Variants in IL1RAPL2 observed in about 807,000 individuals in gnomAD.
The protein encoded by IL1RAPL2 is X-linked interleukin-1 receptor accessory protein-like 2.
Under a neutral mutation model 44.1 loss-of-function variants are expected in IL1RAPL2, and 3 were observed. That is an observed-to-expected ratio of 0.07 (90% CI 0.03 to 0.18). IL1RAPL2 has a LOEUF of 0.18. IL1RAPL2 is among the 10% of genes least tolerant of loss of function. IL1RAPL2 has a pLI of 1.00. For synonymous variants in IL1RAPL2, 181 were observed against 178.8 expected (o/e 1.01, Z -0.10); for missense variants, 391 against 496.4 (o/e 0.79, Z 2.02).
intron 5 of IL1RAPL2, among the ~76,000 whole-genome samples, chrX:105,409,636 G>C (rs151210110): frequency 8.4e-4 from 93 of 111,123 alleles, no homozygotes; most frequent in African/African-American, 3.0e-3. Context: ...ACCACATGAA[G>C]ATGAGTGGGG....
chrX:105,405,214 AT>A (rs1383504882), intron 5 of IL1RAPL2, among the ~76,000 whole-genome samples: 2 of 111,579 alleles, frequency 1.8e-5, no homozygotes, highest in African/African-American at 6.5e-5. Context: ...ATTTATATGC[AT>A]TTTCATATGT....
At chrX:105,034,858 G>C (rs924683878) in intron 2 of IL1RAPL2, among the ~76,000 whole-genome samples, 6 of 112,357 alleles carry the variant, frequency 5.3e-5, no homozygotes, top group Admixed American at 1.9e-4. Flanking sequence ...TACAGAATCA[G>C]GAAGGCCTCC....
chrX:104,762,126 T>C (rs1053973725), intron 2 of IL1RAPL2, among the ~76,000 whole-genome samples: 1 of 108,831 alleles, frequency 9.2e-6, no homozygotes, highest in African/African-American at 3.3e-5. Context: ...GCCTCCCAAG[T>C]AGCTGGGATT....
chrX:105,439,376 T>C (rs2035903111), intron 5 of IL1RAPL2, among the ~76,000 whole-genome samples: 2 of 111,072 alleles, frequency 1.8e-5, no homozygotes, highest in African/African-American at 6.5e-5. Flanking sequence ...AGCCTAAAAG[T>C]ACAACTACAA....
At chrX:104,828,243 C>T (rs1921510943) in intron 2 of IL1RAPL2, among the ~76,000 whole-genome samples, 1 of 112,273 alleles carries the variant, frequency 8.9e-6, no homozygotes, top group African/African-American at 3.2e-5. Flanking sequence ...TTTGTGCTGG[C>T]TTTTCCTCTT....
rs530487867 is a variant in IL1RAPL2, at chrX:105,145,801, G to A, written c.83-49674G>A. On this transcript the variant is annotated intron_variant, in intron 2 of 10. Coordinates refer to ENST00000372582, the MANE Select transcript of IL1RAPL2 (RefSeq NM_017416.2). ...CTCATATCCTAAAAAATCCAATCTC[G>A]GCTGTGAATGACATTAACCCTGTTC... 3.7e-4 allele frequency among the ~76,000 whole-genome samples: 41 copies of A among 111,235 alleles called. 1 individual carries two copies. In the South Asian group the frequency reaches 0.015, roughly 41 times the overall value.
intron 6 of IL1RAPL2, among the ~76,000 whole-genome samples, chrX:105,708,569 A>G (rs1479882462): frequency 9.0e-6 from 1 of 111,629 alleles, no homozygotes; most frequent in Non-Finnish European, 1.9e-5. Flanking sequence ...AGTGAAAAAG[A>G]TTTCTGTTTC....
chrX:104,931,978 GTA>G lies in IL1RAPL2; in HGVS notation c.83-263479_83-263478del, dbSNP rs1161286401. 1.7e-3 allele frequency among the ~76,000 whole-genome samples: 95 copies of G among 56,970 alleles called. 1 individual carries two copies. Among genetic ancestry groups the G allele is most frequent in the African/African-American group, 4.8e-3 (77 of 16,017 alleles). The allele number at this position is 56,970 out of a possible 115,157, so 49.5% of individuals were successfully genotyped here. On this transcript the variant is annotated intron_variant, in intron 2 of 10. Transcript: ENST00000372582. ...TGTGTGTGTGTGTGTGTGTGTGTTTGTATATATATATATATATATTTTTTTTT... is the reference window on the plus strand; with the variant it reads ...TGTGTGTGTGTGTGTGTGTGTGTTTGTATATATATATATATATTTTTTTTT...
chrX:105,436,294 G>A (rs2035881750), intron 5 of IL1RAPL2, among the ~76,000 whole-genome samples: 1 of 110,712 alleles, frequency 9.0e-6, no homozygotes, highest in Non-Finnish European at 1.9e-5. Context: ...ATGCTGGGGT[G>A]TTATAACTGT....
At chrX:105,311,539 A>G (rs1305001661) in intron 5 of IL1RAPL2, among the ~76,000 whole-genome samples, 1 of 108,453 alleles carries the variant, frequency 9.2e-6, no homozygotes, top group African/African-American at 3.3e-5. Flanking sequence ...CTTATAAAAT[A>G]TGGAAACTTT....
At chrX:104,904,224 T>C (rs1923904717) in intron 2 of IL1RAPL2, among the ~76,000 whole-genome samples, 1 of 65,852 alleles carries the variant, frequency 1.5e-5, no homozygotes, top group Non-Finnish European at 2.6e-5. Flanking sequence ...CTTATCTTCT[T>C]TTATATATAT....
At chrX:104,797,188 C>T (rs1321838397) in intron 2 of IL1RAPL2, among the ~76,000 whole-genome samples, 1 of 21,345 alleles carries the variant, frequency 4.7e-5, no homozygotes, top group Non-Finnish European at 7.2e-5. Flanking sequence ...CTCTTCAGCC[C>T]CCCCCCCCCC....
chrX:105,247,645 CTG>C (rs1411379361), intron 4 of IL1RAPL2, among the ~76,000 whole-genome samples: 2 of 78,691 alleles, frequency 2.5e-5, no homozygotes, highest in African/African-American at 4.7e-5. Context: ...GTGTGTGTGT[CTG>C]TATTTAAAAG....
At chrX:104,675,213 C>T (rs1245151761) in intron 2 of IL1RAPL2, among the ~76,000 whole-genome samples, 1 of 110,836 alleles carries the variant, frequency 9.0e-6, no homozygotes. Flanking sequence ...TTGGATCTTT[C>T]CTGCTTTCTC....
chrX:104,977,022 T>C (rs1000995511), intron 2 of IL1RAPL2, among the ~76,000 whole-genome samples: 1 of 111,795 alleles, frequency 8.9e-6, no homozygotes, highest in Non-Finnish European at 1.9e-5. Flanking sequence ...AGGATGTGTC[T>C]CAGGACACTC....
At chrX:105,726,519 GGACA>G (rs961629980) in intron 7 of IL1RAPL2, among the ~76,000 whole-genome samples, 1 of 111,582 alleles carries the variant, frequency 9.0e-6, no homozygotes, top group African/African-American at 3.3e-5. Flanking sequence ...CAGGCTGGGA[GGACA>G]GACAGATAAA....
chrX:104,964,283 T>TTG (rs2030071072), intron 2 of IL1RAPL2, among the ~76,000 whole-genome samples: 4 of 43,453 alleles, frequency 9.2e-5, no homozygotes, highest in African/African-American at 2.7e-4. Context: ...GCCAGGGATT[T>TTG]ATTTATTTAT....
intron 2 of IL1RAPL2, among the ~76,000 whole-genome samples, chrX:105,074,904 T>G (rs2032268478): frequency 9.0e-6 from 1 of 111,288 alleles, no homozygotes; most frequent in African/African-American, 3.3e-5. Context: ...AACCTGAGAC[T>G]TTGCTGAAGT....
intron 4 of IL1RAPL2, among the ~76,000 whole-genome samples, chrX:105,260,960 C>T (rs946059474): frequency 1.5e-4 from 17 of 112,048 alleles, no homozygotes; most frequent in Admixed American, 1.2e-3. Flanking sequence ...AGCCTCTTTC[C>T]TAGGGGTATG....
Sources: gnomAD v4.1 joint callset for allele counts (sites outside exome capture counted in the v4.1 genomes callset) on GRCh38, gnomAD v4.1.1 for gene constraint, MANE v1.5 for transcripts, NCBI Gene and HGNC (gene_info 2026-07-23, HGNC 2026-07-21) for gene names.